Variants in MANBA observed in about 807,000 individuals in gnomAD.
The protein encoded by MANBA is beta-mannosidase.
A neutral mutation model predicts 111.1 loss-of-function variants in MANBA; 83 were observed. The observed-to-expected ratio is 0.75, with a 90% confidence interval of 0.63 to 0.90. The LOEUF is 0.90. Ranked by LOEUF, MANBA falls within the 40% of genes least tolerant of loss-of-function variation. The pLI is 0.00. For missense variants in MANBA, 1,036 were observed against 1,069.0 expected (o/e 0.97, Z 0.43); for synonymous variants, 370 against 378.7 (o/e 0.98, Z 0.27).
rs1327909901 is a variant in MANBA, at chr4:102,657,225, G to GGC, written c.1704+456_1704+457insGC. ...AGAGGGAGAGAGAGGAGTGGGGTGG[G>GGC]GGGGGGGTGGGCGGTGGTAATGGAA... On this transcript the variant is annotated intron_variant, in intron 12 of 16. Coordinates refer to ENST00000647097, the MANE Select transcript of MANBA (RefSeq NM_005908.4). 5.6e-5 allele frequency among the ~76,000 whole-genome samples: 7 copies of GGC among 124,500 alleles called. 1 individual carries two copies. The highest frequency in any genetic ancestry group is 1.2e-4 in the Non-Finnish European group (7 of 58,932). 81.7% of individuals were successfully genotyped at this position (124,500 alleles called of 152,430 possible). A position where few individuals can be genotyped will look rare whatever the true frequency, so the allele number is the denominator to read the frequency against.
At chr4:102,756,039 T>G (rs189807295) in intron 1 of MANBA, among the ~76,000 whole-genome samples, 3 of 152,162 alleles carry the variant, frequency 2.0e-5, no homozygotes, top group East Asian at 3.8e-4. Context: ...CTATAAACTA[T>G]TTCAACCATT....
Position 102,631,745 on chromosome 4 carries a change from AC to A in MANBA, c.*311del. On this transcript the variant is annotated 3_prime_UTR_variant, in exon 17 of 17. Transcript: ENST00000647097. ...GATCCTGCCATGTCACATTCTTGTA[AC>A]CAGCTGCAGGGCCATCTTGTTATAA... The A allele has an allele frequency of 1.8e-6, 1 of 570,448 alleles. No individual in the cohort carries two copies. Among genetic ancestry groups the A allele is most frequent in the Non-Finnish European group, 3.1e-6 (1 of 323,478 alleles). The allele number at this position is 570,448 out of a possible 1,614,324, so 35.3% of individuals were successfully genotyped here.
At chr4:102,708,198 T>C (rs1181029659) in intron 5 of MANBA, among the ~76,000 whole-genome samples, 1 of 152,114 alleles carries the variant, frequency 6.6e-6, no homozygotes. Flanking sequence ...AGCTACAAAA[T>C]GCACATTCTT....
At chr4:102,649,817 C>G (rs1039544908) in intron 13 of MANBA, among the ~76,000 whole-genome samples, 2 of 152,088 alleles carry the variant, frequency 1.3e-5, no homozygotes, top group African/African-American at 4.8e-5. Flanking sequence ...CTCACCTATC[C>G]CAAAATCATG....
chr4:102,647,138 AAAAACCCT>A (rs1306219898), intron 13 of MANBA, among the ~76,000 whole-genome samples: 2 of 151,450 alleles, frequency 1.3e-5, no homozygotes, highest in Non-Finnish European at 2.9e-5. Flanking sequence ...AGTAACAAGG[AAAAACCCT>A]AAAACCCTAA....
At chr4:102,677,323 T>C (rs1363571832) in intron 7 of MANBA, among the ~76,000 whole-genome samples, 2 of 152,244 alleles carry the variant, frequency 1.3e-5, no homozygotes, top group Admixed American at 6.5e-5. Context: ...GGAAAACTTG[T>C]ATCTACTACC....
At chr4:102,712,841 C>T (rs963072387) in intron 5 of MANBA, among the ~76,000 whole-genome samples, 7 of 152,120 alleles carry the variant, frequency 4.6e-5, no homozygotes, top group African/African-American at 1.7e-4. Flanking sequence ...GACCACTTCT[C>T]ACACCAGATT....
chr4:102,713,034 T>C (rs1418134635), intron 5 of MANBA, among the ~76,000 whole-genome samples: 3 of 152,244 alleles, frequency 2.0e-5, no homozygotes, highest in Admixed American at 6.5e-5. Context: ...AAATTAGATC[T>C]TTTAATGCCT....
chr4:102,665,165 G>A, intron 10 of MANBA: 1 of 268,500 alleles, frequency 3.7e-6, no homozygotes. Flanking sequence ...TTCACTCTGT[G>A]GATTGCCACA....
At position 102,726,796 on chromosome 4, in the gene MANBA, G is replaced by A. The variant is rs966432184; in HGVS notation, c.178-113C>T. On this transcript the variant is annotated intron_variant, in intron 1 of 16. Coordinates refer to ENST00000647097, the MANE Select transcript of MANBA (RefSeq NM_005908.4). ...AGCTATTTATCACCTAAAAATTAAC[G>A]AACTTTTAGCCTAGTAGTACAAAGA... 7.3e-6 allele frequency: 5 copies of A among 682,808 alleles called. No homozygotes were observed. The East Asian group carries it at 8.2e-5, about 11-fold the overall frequency. The allele number at this position is 682,808 out of a possible 1,614,324, so 42.3% of individuals were successfully genotyped here.
intron 1 of MANBA, among the ~76,000 whole-genome samples, chr4:102,743,467 C>T (rs539516331): frequency 2.0e-5 from 3 of 152,282 alleles, no homozygotes; most frequent in South Asian, 2.1e-4. Context: ...GCCTGCATAT[C>T]GTGCAGAACC....
At chr4:102,754,792 G>A (rs532506076) in intron 1 of MANBA, among the ~76,000 whole-genome samples, 6 of 152,160 alleles carry the variant, frequency 3.9e-5, no homozygotes, top group South Asian at 4.1e-4. Context: ...TCCCGACCTC[G>A]TGATCTGCCG....
chr4:102,699,569 G>A (rs922946195), intron 5 of MANBA, among the ~76,000 whole-genome samples: 4 of 150,774 alleles, frequency 2.7e-5, no homozygotes, highest in South Asian at 2.1e-4. Flanking sequence ...TAGCATGAAG[G>A]GTTGTTGAAT....
At chr4:102,738,217 T>G (rs963181259) in intron 1 of MANBA, among the ~76,000 whole-genome samples, 14 of 152,230 alleles carry the variant, frequency 9.2e-5, no homozygotes, top group African/African-American at 3.4e-4. Context: ...AGAAAACAAC[T>G]AATTCCACTG....
intron 14 of MANBA, 85 bp from the exon 15 acceptor site, chr4:102,636,092 T>A (rs1729620515): frequency 2.3e-6 from 3 of 1,304,966 alleles, no homozygotes; most frequent in Non-Finnish European, 3.3e-6. Context: ...TTGTGGCTCA[T>A]CGGGGTTCTA....
At position 102,688,471 on chromosome 4, in the gene MANBA, A is replaced by T. The variant is rs576106050; in HGVS notation, c.960+1103T>A. Among the ~76,000 whole-genome samples the T allele has an allele frequency of 2.0e-5, 3 of 152,052 alleles. No homozygotes were observed. In the South Asian group the frequency reaches 6.2e-4, roughly 32 times the overall value. Reference sequence around the variant, plus strand: ...TGATTGAACAAAAGAAAAACAGAAAATGCACTCCTGAAGGACATATCTCCA... The same window carrying T: ...TGATTGAACAAAAGAAAAACAGAAATTGCACTCCTGAAGGACATATCTCCA... On this transcript the variant is annotated intron_variant, in intron 7 of 16. Coordinates refer to ENST00000647097, the MANE Select transcript of MANBA (RefSeq NM_005908.4).
intron 2 of MANBA, among the ~76,000 whole-genome samples, chr4:102,724,969 C>T (rs148348931): frequency 2.4e-4 from 36 of 152,224 alleles, no homozygotes; most frequent in African/African-American, 8.4e-4. Flanking sequence ...GTGAAAGAGG[C>T]GGTCACAAAG....
In MANBA at chr4:102,634,835, A is replaced by G. The variant is rs2272697; in HGVS notation, c.2368T>C (p.Leu790=). 845,761 of 1,613,786 alleles carry G rather than the reference A, an allele frequency of 0.52. 224,504 individuals are homozygous for G. Among genetic ancestry groups the G allele is most frequent in the Admixed American group, 0.7 (41,838 of 60,012 alleles). ...CCCACGGCCTCCTTCGGTGAGGACAAGAAGTGGTAGTTGGTCGGGCTCAGG... is the reference window on the plus strand; with the variant it reads ...CCCACGGCCTCCTTCGGTGAGGACAGGAAGTGGTAGTTGGTCGGGCTCAGG... ...ELLSPTNYHF[L]SSPKEAVGLC... is the part of the protein sequence containing the mutation. Residue 790 remains leucine, a synonymous_variant, in exon 16 of 17, where the codon TTG becomes CTG. Transcript: ENST00000647097.
intron 4 of MANBA, among the ~76,000 whole-genome samples, chr4:102,714,882 C>G (rs1250857054): frequency 6.6e-6 from 1 of 152,206 alleles, no homozygotes. Flanking sequence ...TAAAAGGACA[C>G]TAGTTGTATT....
Sources: allele counts gnomAD v4.1 joint callset (sites outside exome capture counted in the v4.1 genomes callset), GRCh38; gene constraint gnomAD v4.1.1; transcripts MANE v1.5; gene names NCBI Gene and HGNC (gene_info 2026-07-23, HGNC 2026-07-21).